TUT7: variants seen among roughly 807,000 people sequenced by gnomAD.
The protein encoded by TUT7 is terminal uridylyl transferase 7.
Under a neutral mutation model 165.9 loss-of-function variants are expected in TUT7, and 33 were observed. The observed-to-expected ratio is 0.20, with a 90% CI of 0.15 to 0.27. The LOEUF (loss-of-function observed/expected upper bound fraction) is 0.27, where lower values mean the gene tolerates loss of function less well. Among genes scored for constraint, TUT7 ranks in the 10% least tolerant of loss-of-function variants. The pLI, the probability that TUT7 is intolerant of heterozygous loss-of-function variation, is 1.00. For missense variants in TUT7, 1,338 were observed against 1,762.3 expected (o/e 0.76, Z 4.31); for synonymous variants, 552 against 608.1 (o/e 0.91, Z 1.36).
intron 10 of TUT7, among the ~76,000 whole-genome samples, chr9:86,329,175 G>A (rs1470802715): frequency 1.3e-5 from 2 of 152,082 alleles, no homozygotes; most frequent in East Asian, 1.9e-4. Context: ...AATGTCAAAC[G>A]GAGCTGAACA....
At chr9:86,345,302 TA>T in intron 4 of TUT7, 148 bp from the exon 5 acceptor site, 1 of 715,324 alleles carries the variant, frequency 1.4e-6, no homozygotes, top group Non-Finnish European at 2.2e-6. Flanking sequence ...ATCAAACATA[TA>T]CATACTTCCT....
chr9:86,291,051 C>T (rs1825862908), intron 26 of TUT7, among the ~76,000 whole-genome samples: 2 of 152,148 alleles, frequency 1.3e-5, no homozygotes, highest in Middle Eastern at 3.4e-3. Context: ...ATGATGAAAA[C>T]TAATTATGGA....
At chr9:86,293,068 T>G (rs1826015410) in intron 26 of TUT7, among the ~76,000 whole-genome samples, 1 of 152,202 alleles carries the variant, frequency 6.6e-6, no homozygotes, top group Admixed American at 6.5e-5. Flanking sequence ...TAAAATTTGG[T>G]AAGCATGATA....
At chr9:86,335,884 T>C (rs1039338968) in intron 10 of TUT7, among the ~76,000 whole-genome samples, 2 of 152,180 alleles carry the variant, frequency 1.3e-5, no homozygotes, top group African/African-American at 2.4e-5. Flanking sequence ...TCATTAAATT[T>C]TGAACAAACA....
At chr9:86,291,444 G>A (rs1198536831) in intron 26 of TUT7, among the ~76,000 whole-genome samples, 1 of 151,962 alleles carries the variant, frequency 6.6e-6, no homozygotes, top group Non-Finnish European at 1.5e-5. Context: ...CATGGTATGT[G>A]CTTGTAATCC....
chr9:86,328,889 C>T (rs914141929), intron 10 of TUT7, among the ~76,000 whole-genome samples: 1 of 152,070 alleles, frequency 6.6e-6, no homozygotes, highest in Non-Finnish European at 1.5e-5. Flanking sequence ...ACTAGGACTT[C>T]CTTCATGGGA....
chr9:86,298,862 CG>C (rs1258496223), intron 26 of TUT7: 1 of 961,642 alleles, frequency 1.0e-6, no homozygotes, highest in Non-Finnish European at 1.2e-6. Context: ...TTTACAAAAT[CG>C]AAAGGAAGAG....
In TUT7 at chr9:86,323,829, G is replaced by A; in HGVS notation, c.1921C>T (p.Leu641=). The change falls in exon 13 of 27, where the codon CTA becomes TTA. Residue 641 remains leucine, a synonymous_variant. Coordinates refer to ENST00000375963, the MANE Select transcript of TUT7 (RefSeq NM_024617.4). The part of the protein sequence containing the change: ...LPHKITKSSL[L]KPLNAITCIS... ...CATGTAATTGCATTCAGAGGCTTTA[G>A]AAGGCTGGATTTTGTAATTTTGTGT... is the stretch of plus-strand genomic sequence containing the variant. 6.2e-7 allele frequency: 1 copy of A among 1,614,138 alleles called. No individual in the cohort carries two copies.
intron 17 of TUT7, among the ~76,000 whole-genome samples, chr9:86,316,094 T>G (rs1452157647): frequency 6.6e-6 from 1 of 152,204 alleles, no homozygotes; most frequent in Non-Finnish European, 1.5e-5. Flanking sequence ...GGGCCATATA[T>G]TGTTCACTTT....
At chr9:86,325,791 T>C (rs561628049) in intron 11 of TUT7, among the ~76,000 whole-genome samples, 1 of 152,298 alleles carries the variant, frequency 6.6e-6, no homozygotes, top group African/African-American at 2.4e-5. Flanking sequence ...AGCTCCTAAT[T>C]TTGAACTGTT....
chr9:86,345,588 T>G, intron 4 of TUT7, 81 bp downstream of exon 4: 1 of 1,019,008 alleles, frequency 9.8e-7, no homozygotes, highest in South Asian at 1.4e-5. Flanking sequence ...TATCATAGCC[T>G]TAAGGAGAAG....
At chr9:86,342,853 T>C (rs1831432402) in intron 6 of TUT7, among the ~76,000 whole-genome samples, 1 of 152,052 alleles carries the variant, frequency 6.6e-6, no homozygotes, top group Admixed American at 6.6e-5. Flanking sequence ...GTGCACATGG[T>C]TGAAAAACCA....
intron 5 of TUT7, among the ~76,000 whole-genome samples, chr9:86,344,588 CT>C (rs11390352): frequency 0.013 from 1,844 of 141,560 alleles, 24 homozygotes; most frequent in African/African-American, 0.037. Context: ...TAAATAAAAT[CT>C]TTTTTTTTTT....
intron 26 of TUT7, among the ~76,000 whole-genome samples, chr9:86,291,609 C>A (rs981998536): frequency 6.6e-6 from 1 of 150,502 alleles, no homozygotes; most frequent in African/African-American, 2.4e-5. Flanking sequence ...GGGCCCCTTG[C>A]ATCACCAGAG....
At chr9:86,297,864 G>C (rs1826481135) in intron 26 of TUT7, among the ~76,000 whole-genome samples, 1 of 146,262 alleles carries the variant, frequency 6.8e-6, no homozygotes, top group Non-Finnish European at 1.5e-5. Flanking sequence ...TCATAACCCA[G>C]ATCTATCCAC....
At position 86,311,582 on chromosome 9, in the gene TUT7, C is replaced by T. The variant is rs1176062956; in HGVS notation, c.3275-773G>A. Among the ~76,000 whole-genome samples the T allele has an allele frequency of 4.1e-5, 4 of 96,970 alleles. No individual in the cohort carries two copies. Among genetic ancestry groups the T allele is most frequent in the Non-Finnish European group, 6.7e-5 (3 of 44,548 alleles). The allele number at this position is 96,970 out of a possible 152,430, so 63.6% of individuals were successfully genotyped here. On this transcript the variant is annotated intron_variant, in intron 17 of 26. Coordinates refer to ENST00000375963, the MANE Select transcript of TUT7 (RefSeq NM_024617.4). The surrounding 1 kb of genome is among the most constrained non-coding windows in gnomAD (Gnocchi z 4.4). Reference sequence around the variant, plus strand: ...TCCTTAGTCCTCTCCCTCTCCCTCTCCCCTCTTCCCTCTCCCCTCTCCCCA... The same window carrying T: ...TCCTTAGTCCTCTCCCTCTCCCTCTTCCCTCTTCCCTCTCCCCTCTCCCCA...
rs1564090083 is a variant in TUT7, at chr9:86,340,068, C to G, written c.1176G>C (p.Arg392Ser). Residue 392 changes from arginine to serine, a missense_variant, in exon 8 of 27, where the codon AGG (arginine) becomes AGC (serine). Around this residue, in one of 7 missense-constraint regions of TUT7, gnomAD observed 434 missense variants for 480.8 expected, o/e 0.90. Transcript: ENST00000375963. Reference protein sequence around the residue: ...FIDVDADFHARVPVVVCREKQ... With the variant: ...FIDVDADFHASVPVVVCREKQ... ...TTTCTCTGCACACCACCACTGGCAC[C>G]CTAGCATGGAAGTCTGCATCAACAT... The G allele has an allele frequency of 5.6e-6, 9 of 1,613,798 alleles. No homozygotes were observed. The highest frequency in any genetic ancestry group is 1.7e-5 in the Admixed American group (1 of 59,998).
chr9:86,309,342 A>G (rs916127984), intron 20 of TUT7, 53 bp from the exon 21 acceptor site: 1 of 1,426,384 alleles, frequency 7.0e-7, no homozygotes. Context: ...ATGCATTGAT[A>G]CAAAAACTTC....
chr9:86,313,463 GTGTGATAGGGATA>G (rs1189898874), intron 17 of TUT7, among the ~76,000 whole-genome samples: 1 of 152,198 alleles, frequency 6.6e-6, no homozygotes, highest in Non-Finnish European at 1.5e-5. Flanking sequence ...AGCACCTAAT[GTGTGATAGGGATA>G]TGTGAAGAGT....
Sources: allele counts gnomAD v4.1 joint callset (sites outside exome capture counted in the v4.1 genomes callset), GRCh38; gene constraint gnomAD v4.1.1; regional missense constraint gnomAD v4.1.1; non-coding constraint Gnocchi (gnomAD v3.1); transcripts MANE v1.5; gene names NCBI Gene and HGNC (gene_info 2026-07-23, HGNC 2026-07-21).